KCP: variants seen among roughly 807,000 people sequenced by gnomAD.
The protein encoded by KCP is kielin/chordin-like protein.
In KCP, 194 loss-of-function variants were observed where a neutral mutation model predicts 212.7. That is an observed-to-expected ratio of 0.91 (90% confidence interval 0.81 to 1.03). The LOEUF (loss-of-function observed/expected upper bound fraction) is 1.03. Among genes scored for constraint, KCP ranks in the 50% least tolerant of loss-of-function variants. The pLI, the probability that KCP is intolerant of heterozygous loss-of-function variation, is 0.00. For synonymous variants in KCP, 833 were observed against 865.3 expected (o/e 0.96, Z 0.65); for missense variants, 2,080 against 2,162.5 (o/e 0.96, Z 0.76).
rs184816257 is a variant in KCP at position 128,904,286 on chromosome 7, G to C, written c.572-148C>G. The stretch of plus-strand genomic sequence containing the variant: ...GGCAGGACAGGGCAGGAGGTCACCG[G>C]GCCGGCAGATGGGGCAGCACTCCCC... On this transcript the variant is annotated intron_variant, in intron 5 of 39. Transcript: ENST00000610776. 1.0e-3 allele frequency: 1,554 copies of C among 1,552,962 alleles called. 9 individuals are homozygous for C. Among genetic ancestry groups the C allele is most frequent in the Admixed American group, 1.6e-3 (80 of 51,100 alleles).
rs1029559868 is a variant in KCP, at chr7:128,890,487, C to G, written c.2191G>C (p.Ala731Pro). 7 of 1,549,948 alleles carry G rather than the reference C, an allele frequency of 4.5e-6. No homozygotes were observed. The African/African-American group carries it at 8.2e-5, about 18-fold the overall frequency. The change falls in exon 21 of 40, where the codon GCC becomes CCC. Residue 731 changes from alanine (A) to proline (P), a missense_variant. Transcript: ENST00000610776. Reference protein sequence around the residue: ...DGCLYQGKEFASGERFPSPTA... With the variant: ...DGCLYQGKEFPSGERFPSPTA... ...GGCGATGGGAAGCGCTCCCCGCTGG[C>G]AAACTCCTTCCCCTGGTACAGGCAG... is the stretch of plus-strand genomic sequence containing the variant.
At chr7:128,902,886 A>T in intron 7 of KCP, 27 bp from the exon 8 acceptor site, 1 of 1,532,152 alleles carries the variant, frequency 6.5e-7, no homozygotes, top group Non-Finnish European at 8.9e-7. Flanking sequence ...GAGAAGAGGG[A>T]GGCCTGGTGG....
chr7:128,890,863 G>C (rs905508270), intron 20 of KCP, 42 bp downstream of exon 20: 2 of 1,228,582 alleles, frequency 1.6e-6, no homozygotes, highest in Non-Finnish European at 2.0e-6. Flanking sequence ...GGGCGGGGCG[G>C]CAGGACGCGG....
intron 8 of KCP, among the ~76,000 whole-genome samples, chr7:128,899,969 A>G (rs138457738): frequency 1.4e-3 from 196 of 145,184 alleles, no homozygotes; most frequent in African/African-American, 5.2e-3. Flanking sequence ...TGTGGTAAGT[A>G]AAGAATGTCA....
chr7:128,897,338 T>A (rs773888198), intron 8 of KCP, among the ~76,000 whole-genome samples: 10 of 152,232 alleles, frequency 6.6e-5, no homozygotes, highest in Non-Finnish European at 1.3e-4. Context: ...CCTTGGGAAC[T>A]TGACCTTGTA....
intron 5 of KCP, 99 bp downstream of exon 5, chr7:128,906,180 C>A (rs1247211651): frequency 6.0e-6 from 6 of 992,288 alleles, no homozygotes. Flanking sequence ...AGTGGGTAGG[C>A]ACCCCTGGGC....
In KCP at chr7:128,893,971, C is replaced by G; in HGVS notation, c.1005+5G>C. The G allele has an allele frequency of 6.5e-7, 1 of 1,549,784 alleles. No homozygotes were observed. The highest frequency in any genetic ancestry group is 1.2e-5 in the South Asian group (1 of 84,002). ...AGGCCCTCCCTGCCAGGCAGCCACA[C>G]TCACAGCACAGCGGCAGTGCGAGCA... On this transcript the variant is annotated splice_donor_5th_base_variant and intron_variant, in intron 10 of 39. Transcript: ENST00000610776.
chr7:128,904,341 G>A (rs1254412804), intron 5 of KCP: 1 of 1,551,894 alleles, frequency 6.4e-7, no homozygotes, highest in Non-Finnish European at 8.7e-7. Context: ...AAGCAGTTGA[G>A]CTCTGAACAC....
At chr7:128,883,966 C>G (rs761775096) in intron 29 of KCP, 36 bp downstream of exon 29, 4 of 1,540,420 alleles carry the variant, frequency 2.6e-6, no homozygotes, top group Non-Finnish European at 3.5e-6. Flanking sequence ...CAGCCCTAAC[C>G]TCATATCTCA....
chr7:128,897,468 TTG>T (rs1000440640), intron 8 of KCP, among the ~76,000 whole-genome samples: 10 of 152,172 alleles, frequency 6.6e-5, no homozygotes, highest in African/African-American at 2.4e-4. Flanking sequence ...TTTATATGTG[TTG>T]TGTGTGTGAT....
At position 128,878,545 on chromosome 7, in the gene KCP, C is replaced by T. The variant is rs200027193; in HGVS notation, c.4311+13G>A. 8.5e-4 allele frequency: 1,321 copies of T among 1,550,238 alleles called. 2 individuals are homozygous for T. The highest frequency in any genetic ancestry group is 1.1e-3 in the Non-Finnish European group (1,270 of 1,146,248). On this transcript the variant is annotated intron_variant, in intron 38 of 39. Transcript: ENST00000610776. ...CTCCCCTAATCCCCATCCCCGGTTC[C>T]TGTACCACTCACCTGCCAGCTATTC... is the stretch of plus-strand genomic sequence containing the variant.
At chr7:128,902,639 C>T in intron 8 of KCP, 138 bp downstream of exon 8, 1 of 783,698 alleles carries the variant, frequency 1.3e-6, no homozygotes, top group Middle Eastern at 2.3e-4. Flanking sequence ...CTGCACAGCC[C>T]CCAGCAGACA....
chr7:128,883,097 T>C (rs1793428995), intron 29 of KCP, among the ~76,000 whole-genome samples: 2 of 151,016 alleles, frequency 1.3e-5, no homozygotes, highest in Admixed American at 1.3e-4. Flanking sequence ...AAAAACCAAA[T>C]TGGAGAAAAT....
intron 7 of KCP, 124 bp downstream of exon 7, chr7:128,903,603 C>A: frequency 1.4e-6 from 1 of 717,728 alleles, no homozygotes; most frequent in Non-Finnish European, 2.3e-6. Context: ...AGAATTTGAG[C>A]TCAGGCATTC....
Position 128,907,411 on chromosome 7 carries a change from C to T in KCP, c.262G>A (p.Glu88Lys). 1 of 1,519,226 alleles carries T rather than the reference C, an allele frequency of 6.6e-7. No homozygotes were observed. The highest frequency in any genetic ancestry group is 8.9e-7 in the Non-Finnish European group (1 of 1,123,560). The allele number at this position is 1,519,226 out of a possible 1,614,324, so 94.1% of individuals were successfully genotyped here. ...QTRVRQLESCECHPASPQCWG... is the reference protein window; with the variant it reads ...QTRVRQLESCKCHPASPQCWG... ...CACTGGGGAGATGCAGGGTGGCACT[C>T]ACAGGACTCCAGCTGCCTCACCCTC... Residue 88 changes from glutamate to lysine, a missense_variant, in exon 3 of 40, where the codon GAG becomes AAG. Physicochemically the swap from Glu to Lys is moderately conservative, Grantham distance 56. Transcript: ENST00000610776.
chr7:128,880,204 C>G, intron 34 of KCP, 119 bp from the exon 35 acceptor site: 3 of 1,310,076 alleles, frequency 2.3e-6, no homozygotes, highest in Non-Finnish European at 2.1e-6. Flanking sequence ...ACTCTGGCTC[C>G]CAGGCTCCCT....
rs1794235919 is a variant in KCP, at chr7:128,892,671, C to T, written c.1527+17G>A. On this transcript the variant is annotated intron_variant, in intron 15 of 39. Coordinates refer to ENST00000610776, the MANE Select transcript of KCP (RefSeq NM_001366122.1). ...CAGGAGGGGCTCAGCAGGGCAGCAG[C>T]AAGGCTGGGCAGTTACCTGACAGTG... is the stretch of plus-strand genomic sequence containing the variant. 6.4e-7 allele frequency: 1 copy of T among 1,551,462 alleles called. No individual in the cohort carries two copies. Among genetic ancestry groups the T allele is most frequent in the South Asian group, 1.2e-5 (1 of 84,070 alleles).
chr7:128,877,408 T>C (rs1793057931), intron 39 of KCP, 76 bp downstream of exon 39: 2 of 1,531,738 alleles, frequency 1.3e-6, no homozygotes, highest in Non-Finnish European at 1.8e-6. Flanking sequence ...GGCCTGGTCC[T>C]GCCCTGAGCC....
intron 13 of KCP, 64 bp from the exon 14 acceptor site, chr7:128,893,085 G>T: frequency 1.1e-6 from 1 of 935,198 alleles, no homozygotes; most frequent in Non-Finnish European, 1.7e-6. Context: ...TCCTTCCCAG[G>T]ACACAGGGAC....
Sources: allele counts gnomAD v4.1 joint callset (sites outside exome capture counted in the v4.1 genomes callset), GRCh38; gene constraint gnomAD v4.1.1; transcripts MANE v1.5; gene names NCBI Gene and HGNC (gene_info 2026-07-23, HGNC 2026-07-21).